EIF3A: variants seen among roughly 807,000 people sequenced by gnomAD.
The protein encoded by EIF3A is EIF3, p180 subunit.
In EIF3A, 21 loss-of-function variants were observed where a neutral mutation model predicts 186.6. The ratio of observed to expected loss-of-function variants is 0.11; its 90% CI spans 0.08 to 0.16. The LOEUF (loss-of-function observed/expected upper bound fraction) is 0.16. Ranked by LOEUF, EIF3A falls within the 10% of genes least tolerant of loss-of-function variation. The probability of loss-of-function intolerance (pLI) is 1.00; values close to 1 mark genes in which losing one functional copy is unlikely to be tolerated. For synonymous variants in EIF3A, 563 were observed against 584.3 expected, an observed-to-expected ratio of 0.96 and a Z score of 0.52; for missense variants, 1,306 against 1,796.3, an observed-to-expected ratio of 0.73 and a Z score of 4.93.
intron 11 of EIF3A, among the ~76,000 whole-genome samples, chr10:119,058,659 G>C (rs1229944925): frequency 6.6e-6 from 1 of 152,192 alleles, no homozygotes; most frequent in Admixed American, 6.5e-5. Flanking sequence ...AAGGCGGGTG[G>C]ATCACTTGAG....
Position 119,044,244 on chromosome 10 carries a change from A to G in EIF3A, c.2659-102T>C, listed in dbSNP as rs1483209978. 5.5e-5 allele frequency: 43 copies of G among 775,624 alleles called. No individual in the cohort carries two copies. The South Asian group carries it at 6.8e-4, about 12-fold the overall frequency. 48.0% of individuals were successfully genotyped at this position (775,624 alleles called of 1,614,324 possible). A position where few individuals can be genotyped will look rare whatever the true frequency, so the allele number is the denominator to read the frequency against. Reference sequence around the variant, plus strand: ...TATTTTTTGTACTTATAACAATATGAAGCCCTTAAATAAGCAAGTTTTAAA... The same window carrying G: ...TATTTTTTGTACTTATAACAATATGGAGCCCTTAAATAAGCAAGTTTTAAA... On this transcript the variant is annotated intron_variant, in intron 17 of 21. Transcript: ENST00000369144.
At chr10:119,047,419 A>G (rs1219293478) in intron 17 of EIF3A, among the ~76,000 whole-genome samples, 2 of 152,210 alleles carry the variant, frequency 1.3e-5, no homozygotes, top group Non-Finnish European at 2.9e-5. Flanking sequence ...GTTAAATGCA[A>G]GTAAATTAAA....
Position 119,065,526 on chromosome 10 carries a change from G to A in EIF3A, c.995C>T (p.Thr332Ile). The stretch of plus-strand genomic sequence containing the variant: ...TCGAGCAATATCCGTACGCTCAGGA[G>A]TAATAGGGATGGAAAGAGTGGCTAA... Reference protein sequence around the residue: ...VLLATLSIPITPERTDIARLL... With the variant: ...VLLATLSIPIIPERTDIARLL... Residue 332 changes from threonine (T) to isoleucine (I), a missense_variant, in exon 7 of 22, where the codon ACT (threonine) becomes ATT (isoleucine). By Grantham distance (89) the Thr-to-Ile change is moderately conservative (BLOSUM62 -1). Around this residue, in one of 8 missense-constraint regions of EIF3A, gnomAD observed 267 missense variants for 367.8 expected, o/e 0.73. Transcript: ENST00000369144. 1 of 1,613,142 alleles carries A rather than the reference G, an allele frequency of 6.2e-7. No homozygotes were observed. The highest frequency in any genetic ancestry group is 1.1e-5 in the South Asian group (1 of 91,060).
Position 119,037,100 on chromosome 10 carries a change from T to TTA in EIF3A, c.3919+18_3919+19insTA. On this transcript the variant is annotated intron_variant, in intron 21 of 21. Transcript: ENST00000369144. The stretch of plus-strand genomic sequence containing the variant: ...AAACGACAGTTCTCCAATACTTCAG[T>TTA]TGTATGTAACCTCTATACCTTCTTC... The TTA allele has an allele frequency of 9.4e-7, 1 of 1,060,082 alleles. No individual in the cohort carries two copies. Among genetic ancestry groups the TTA allele is most frequent in the Non-Finnish European group, 1.3e-6 (1 of 753,428 alleles). 65.7% of individuals were successfully genotyped at this position (1,060,082 alleles called of 1,614,324 possible). A position where few individuals can be genotyped will look rare whatever the true frequency, so the allele number is the denominator to read the frequency against.
chr10:119,045,305 A>G (rs1848268866), intron 17 of EIF3A, among the ~76,000 whole-genome samples: 1 of 152,206 alleles, frequency 6.6e-6, no homozygotes, highest in Non-Finnish European at 1.5e-5. Context: ...ACAACTAGAG[A>G]TGAGAAGCAG....
At chr10:119,045,475 C>T (rs1388465815) in intron 17 of EIF3A, among the ~76,000 whole-genome samples, 3 of 152,176 alleles carry the variant, frequency 2.0e-5, no homozygotes, top group Non-Finnish European at 2.9e-5. Flanking sequence ...ATGGGCAACA[C>T]AATTGAGGGA....
At chr10:119,072,345 A>G (rs559944445) in intron 4 of EIF3A, among the ~76,000 whole-genome samples, 1 of 152,186 alleles carries the variant, frequency 6.6e-6, no homozygotes, top group Admixed American at 6.5e-5. Flanking sequence ...TGTAAAAAGA[A>G]AAAAAAAGAT....
At chr10:119,059,419 T>C (rs1843845946) in intron 10 of EIF3A, 22 bp from the exon 11 acceptor site, 2 of 1,504,294 alleles carry the variant, frequency 1.3e-6, no homozygotes, top group Non-Finnish European at 9.0e-7. Flanking sequence ...AAATTATCAA[T>C]GGTTAAATCC....
At chr10:119,066,910 T>G (rs1843990411) in intron 6 of EIF3A, among the ~76,000 whole-genome samples, 1 of 152,190 alleles carries the variant, frequency 6.6e-6, no homozygotes, top group Admixed American at 6.5e-5. Context: ...AACATGTTTT[T>G]CCTTAAAACA....
intron 1 of EIF3A, among the ~76,000 whole-genome samples, chr10:119,076,020 C>G (rs1213454564): frequency 1.3e-5 from 2 of 148,814 alleles, no homozygotes; most frequent in African/African-American, 2.5e-5. Flanking sequence ...GCCACCGCAC[C>G]CAGCCAATAC....
chr10:119,078,516 CCTTCA>C (rs1844210965), intron 1 of EIF3A, among the ~76,000 whole-genome samples: 1 of 152,052 alleles, frequency 6.6e-6, no homozygotes, highest in Non-Finnish European at 1.5e-5. Flanking sequence ...GCCCTTTGAT[CCTTCA>C]CTTATGTTTT....
chr10:119,060,385 T>A (rs1021828570), intron 9 of EIF3A, among the ~76,000 whole-genome samples: 1 of 151,908 alleles, frequency 6.6e-6, no homozygotes, highest in Non-Finnish European at 1.5e-5. Context: ...CAAAGATACA[T>A]GTATGAAAGA....
intron 9 of EIF3A, 119 bp from the exon 10 acceptor site, chr10:119,059,837 C>T (rs1428821713): frequency 1.4e-6 from 1 of 721,750 alleles, no homozygotes; most frequent in Non-Finnish European, 2.5e-6. Context: ...GTTAGCAGTA[C>T]ATTGTTAAAG....
chr10:119,069,760 T>A, intron 5 of EIF3A, 106 bp from the exon 6 acceptor site: 2 of 656,886 alleles, frequency 3.0e-6, no homozygotes, highest in Non-Finnish European at 5.4e-6. Flanking sequence ...AAATAGCAAA[T>A]AAAATACCTT....
At chr10:119,064,040 C>G (rs890015447) in intron 7 of EIF3A, among the ~76,000 whole-genome samples, 2 of 152,188 alleles carry the variant, frequency 1.3e-5, no homozygotes, top group Non-Finnish European at 2.9e-5. Context: ...AATCGCACCA[C>G]TGCACTCCAG....
At chr10:119,067,717 G>C (rs892402429) in intron 6 of EIF3A, among the ~76,000 whole-genome samples, 10 of 152,188 alleles carry the variant, frequency 6.6e-5, no homozygotes, top group African/African-American at 2.2e-4. Flanking sequence ...TTTTACATAA[G>C]AAAGACAATT....
Position 119,080,645 on chromosome 10 carries a change from G to A in EIF3A, c.32C>T (p.Ala11Val). 1 of 1,595,702 alleles carries A rather than the reference G, an allele frequency of 6.3e-7. No individual in the cohort carries two copies. Among genetic ancestry groups the A allele is most frequent in the South Asian group, 1.1e-5 (1 of 88,188 alleles). Residue 11 changes from alanine to valine, a missense_variant, in exon 1 of 22, where the codon GCC becomes GTC. Physicochemically the swap from Ala to Val is moderately conservative, Grantham distance 64. Transcript: ENST00000369144. MPAYFQRPEN[A>V]LKRANEFLEV... The stretch of plus-strand genomic sequence containing the variant: ...CTACTCACCGTTGGCGCGTTTGAGG[G>A]CATTTTCCGGCCTCTGAAAATAGGC...
chr10:119,060,384 A>G (rs1291767440), intron 9 of EIF3A, among the ~76,000 whole-genome samples: 2 of 152,192 alleles, frequency 1.3e-5, no homozygotes, highest in African/African-American at 4.8e-5. Flanking sequence ...GCAAAGATAC[A>G]TGTATGAAAG....
intron 1 of EIF3A, chr10:119,080,325 G>A (rs1589699707): frequency 4.1e-6 from 4 of 985,468 alleles, no homozygotes; most frequent in Middle Eastern, 5.2e-4. Flanking sequence ...GCAGCAAGGA[G>A]GGAGCTCCAG....
Sources: gnomAD v4.1 joint callset for allele counts (sites outside exome capture counted in the v4.1 genomes callset) on GRCh38, gnomAD v4.1.1 for gene constraint, gnomAD v4.1.1 regional missense constraint, MANE v1.5 for transcripts, NCBI Gene and HGNC (gene_info 2026-07-23, HGNC 2026-07-21) for gene names.